Variants in ZNF516 observed in about 807,000 individuals in gnomAD.
ZNF516 encodes zinc finger protein 516.
Under a neutral mutation model 79.7 loss-of-function variants are expected in ZNF516, and 19 were observed. That is an observed-to-expected ratio of 0.24 (90% CI 0.17 to 0.35). The LOEUF (loss-of-function observed/expected upper bound fraction) is 0.35, where lower values mean the gene tolerates loss of function less well. Among genes scored for constraint, ZNF516 ranks in the 10% least tolerant of loss-of-function variants. The pLI, the probability that ZNF516 is intolerant of heterozygous loss-of-function variation, is 1.00. For missense variants in ZNF516, 1,678 were observed against 1,679.5 expected, an observed-to-expected ratio of 1.00 and a Z score of 0.02; for synonymous variants, 877 against 739.5, an observed-to-expected ratio of 1.19 and a Z score of -3.02.
At chr18:76,447,139 G>A (rs1290445493) in intron 2 of ZNF516, among the ~76,000 whole-genome samples, 2 of 152,172 alleles carry the variant, frequency 1.3e-5, no homozygotes, top group African/African-American at 4.8e-5. Context: ...TTTAGCTGCA[G>A]GCAAAAATTG....
At chr18:76,483,194 G>C (rs554878994) in intron 1 of ZNF516, among the ~76,000 whole-genome samples, 7 of 152,168 alleles carry the variant, frequency 4.6e-5, no homozygotes, top group Non-Finnish European at 8.8e-5. Flanking sequence ...AGGCGGGGTG[G>C]AGACTCCTCC....
In ZNF516 at chr18:76,466,581, C is replaced by T. The variant is rs574720250; in HGVS notation, c.-271-3440G>A. Among the ~76,000 whole-genome samples the T allele has an allele frequency of 7.2e-5, 11 of 152,340 alleles. No homozygotes were observed. In the South Asian group the frequency reaches 1.9e-3, roughly 26 times the overall value. On this transcript the variant is annotated intron_variant, in intron 1 of 6. Transcript: ENST00000443185. ...AAGTGCTCTATGCAGGTGCCGGGGC[C>T]GCGCATCTCCAGGAGATCTAGTCAA...
chr18:76,422,917 T>A (rs952078986), intron 3 of ZNF516, among the ~76,000 whole-genome samples: 1 of 152,190 alleles, frequency 6.6e-6, no homozygotes. Context: ...TTTATTTCTG[T>A]CACCGGTTCA....
intron 1 of ZNF516, chr18:76,492,322 G>T: frequency 1.0e-6 from 1 of 985,480 alleles, no homozygotes; most frequent in Non-Finnish European, 1.2e-6. Context: ...TCCTGAGAAA[G>T]TCGGTGCCAC....
chr18:76,377,776 C>A (rs1172965309), intron 4 of ZNF516, among the ~76,000 whole-genome samples: 3 of 147,560 alleles, frequency 2.0e-5, no homozygotes, highest in Non-Finnish European at 4.5e-5. Context: ...AGTGCAGTGG[C>A]ACGATCTCTA....
At chr18:76,391,126 T>C (rs781471155) in intron 3 of ZNF516, among the ~76,000 whole-genome samples, 14 of 151,956 alleles carry the variant, frequency 9.2e-5, no homozygotes, top group Non-Finnish European at 1.9e-4. Flanking sequence ...AAGAAATCAT[T>C]AAGGAGGGCT....
Position 76,379,211 on chromosome 18 carries a change from T to A in ZNF516, c.2903A>T (p.His968Leu), listed in dbSNP as rs759473218. 1 of 1,612,812 alleles carries A rather than the reference T, an allele frequency of 6.2e-7. No homozygotes were observed. Among genetic ancestry groups the A allele is most frequent in the East Asian group, 2.2e-5 (1 of 44,852 alleles). The change falls in exon 4 of 7, where the codon CAC becomes CTC. Residue 968 changes from histidine to leucine, a missense_variant. Physicochemically the swap from His to Leu is moderately conservative, Grantham distance 99 (BLOSUM62 -3). Coordinates refer to ENST00000443185, the MANE Select transcript of ZNF516 (RefSeq NM_014643.4). ...AGAGFAPTNKHSAPDSLKAKF... is the reference protein window; with the variant it reads ...AGAGFAPTNKLSAPDSLKAKF... ...GGCTTTCAGGGAGTCCGGGGCACTG[T>A]GCTTATTTGTGGGGGCAAAGCCAGC...
rs919145716 is a variant in ZNF516, at chr18:76,451,043, G to A, written c.-157-7832C>T. Among the ~76,000 whole-genome samples the A allele has an allele frequency of 6.6e-6, 1 of 152,162 alleles. No individual in the cohort carries two copies. Among genetic ancestry groups the A allele is most frequent in the African/African-American group, 2.4e-5 (1 of 41,428 alleles). On this transcript the variant is annotated intron_variant, in intron 2 of 6. Transcript: ENST00000443185. This position sits in a 1 kb window ranked among gnomAD's most constrained non-coding sequence, Gnocchi z 6.0. ...AAAGTTGCGGAAACCAAGCAAAGCT[G>A]ACTGGGAGACACCAGGGAGGAACAA...
Position 76,488,287 on chromosome 18 carries a change from C to G in ZNF516, c.-272+6857G>C. On this transcript the variant is annotated intron_variant, in intron 1 of 6. Coordinates refer to ENST00000443185, the MANE Select transcript of ZNF516 (RefSeq NM_014643.4). ...ATAAAATTAGTTCTTCACGTTTAGC[C>G]ATTAACAATGCTGGAAGTGAAGCTC... The G allele has an allele frequency of 4.1e-6, 4 of 973,860 alleles. No homozygotes were observed. In the South Asian group the frequency reaches 1.9e-4, roughly 46 times the overall value. 60.3% of individuals were successfully genotyped at this position (973,860 alleles called of 1,614,324 possible).
At chr18:76,479,516 T>A (rs896198742) in intron 1 of ZNF516, among the ~76,000 whole-genome samples, 2 of 152,214 alleles carry the variant, frequency 1.3e-5, no homozygotes, top group Non-Finnish European at 2.9e-5. Context: ...TGGGGCAGGC[T>A]GGCTTCCCCT....
chr18:76,473,905 G>GTGGC (rs1555718873), intron 1 of ZNF516, among the ~76,000 whole-genome samples: 2 of 8,304 alleles, frequency 2.4e-4, no homozygotes, highest in South Asian at 9.7e-3. Flanking sequence ...TTTTTGTGTG[G>GTGGC]GGGGGGGGGG....
At chr18:76,437,380 A>G (rs946547608) in intron 3 of ZNF516, among the ~76,000 whole-genome samples, 6 of 152,026 alleles carry the variant, frequency 3.9e-5, no homozygotes, top group African/African-American at 1.4e-4. Context: ...GGGACGGGAA[A>G]CGTGAGACAC....
chr18:76,378,192 A>G (rs2074818567), intron 4 of ZNF516: 1 of 152,244 alleles, frequency 6.6e-6, no homozygotes, highest in Non-Finnish European at 1.5e-5. Flanking sequence ...CCGGAGGAGC[A>G]GGAGGAAAGC....
intron 3 of ZNF516, among the ~76,000 whole-genome samples, chr18:76,382,889 T>C (rs1251864895): frequency 6.6e-6 from 1 of 151,750 alleles, no homozygotes; most frequent in African/African-American, 2.4e-5. Context: ...CTACTAAAAA[T>C]ACAAAAATTA....
At chr18:76,421,687 C>T (rs913304181) in intron 3 of ZNF516, among the ~76,000 whole-genome samples, 1 of 152,210 alleles carries the variant, frequency 6.6e-6, no homozygotes, top group Non-Finnish European at 1.5e-5. Flanking sequence ...CCAAAATAAA[C>T]CTCATGTTTC....
intron 2 of ZNF516, among the ~76,000 whole-genome samples, chr18:76,455,469 A>G (rs567666927): frequency 1.6e-4 from 24 of 152,194 alleles, no homozygotes; most frequent in Non-Finnish European, 2.9e-4. Context: ...GCTGGAAAGG[A>G]TCACTGCCGG....
chr18:76,429,356 G>C (rs1313535996), intron 3 of ZNF516, among the ~76,000 whole-genome samples: 2 of 152,202 alleles, frequency 1.3e-5, no homozygotes, highest in African/African-American at 4.8e-5. Context: ...ACAAGCTCAG[G>C]CATCCTCTGA....
intron 3 of ZNF516, among the ~76,000 whole-genome samples, chr18:76,400,253 A>G (rs690478): frequency 1 from 151,640 of 152,314 alleles, 75,489 homozygotes; most frequent in Middle Eastern, 1. Context: ...AGATGAACAC[A>G]GGAGCAGGCG....
intron 1 of ZNF516, among the ~76,000 whole-genome samples, chr18:76,489,276 G>A (rs1157144830): frequency 1.3e-5 from 2 of 152,154 alleles, no homozygotes; most frequent in East Asian, 3.8e-4. Context: ...TAAACTCTAC[G>A]TAAATTGCTA....
Sources: allele counts gnomAD v4.1 joint callset (sites outside exome capture counted in the v4.1 genomes callset), GRCh38; gene constraint gnomAD v4.1.1; non-coding constraint Gnocchi (gnomAD v3.1); transcripts MANE v1.5; gene names NCBI Gene and HGNC (gene_info 2026-07-23, HGNC 2026-07-21).